The following PCGF5 variants were observed in gnomAD, a reference collection of about 807,000 sequenced individuals.
PCGF5 encodes the protein polycomb group ring finger 5, also known as polycomb group RING finger protein 5.
In PCGF5, 9 loss-of-function variants were observed where a neutral mutation model predicts 44.3. That is an observed-to-expected ratio of 0.20 (90% CI 0.12 to 0.35). PCGF5 has a LOEUF of 0.35. Among genes scored for constraint, PCGF5 ranks in the 10% least tolerant of loss-of-function variants. The pLI, the probability that PCGF5 is intolerant of heterozygous loss-of-function variation, is 1.00. For synonymous variants in PCGF5, 95 were observed against 102.5 expected (o/e 0.93, Z 0.44); for missense variants, 146 against 305.3 (o/e 0.48, Z 3.89).
intron 1 of PCGF5, among the ~76,000 whole-genome samples, chr10:91,173,578 C>CTTTTTT (rs59254639): frequency 8.6e-6 from 1 of 115,628 alleles, no homozygotes; most frequent in Non-Finnish European, 1.7e-5. Context: ...AGGGAGTTGG[C>CTTTTTT]TTTTTTTTTT....
At chr10:91,180,502 GT>G (rs1360867366) in intron 1 of PCGF5, among the ~76,000 whole-genome samples, 9 of 152,250 alleles carry the variant, frequency 5.9e-5, no homozygotes, top group African/African-American at 2.2e-4. Context: ...CCCATCTTGA[GT>G]TAATTTTTGT....
Position 91,192,214 on chromosome 10 carries a change from G to A in PCGF5, c.-184+29133G>A, listed in dbSNP as rs959006582. On this transcript the variant is annotated intron_variant, in intron 1 of 9. Transcript: ENST00000614189. ...AGTTTTCCACCCCAGAGGCATTTGT[G>A]GAATTTTTTTAAAAAAGCATTTATG... 2.0e-5 allele frequency among the ~76,000 whole-genome samples: 3 copies of A among 152,020 alleles called. No individual in the cohort carries two copies. In the East Asian group the frequency reaches 5.8e-4, roughly 29 times the overall value.
intron 9 of PCGF5, among the ~76,000 whole-genome samples, chr10:91,272,948 A>T (rs552166212): frequency 6.6e-6 from 1 of 152,344 alleles, no homozygotes; most frequent in African/African-American, 2.4e-5. Context: ...GGACAAATGA[A>T]TGTATGTTAA....
intron 1 of PCGF5, among the ~76,000 whole-genome samples, chr10:91,180,675 T>A (rs1001696419): frequency 3.9e-5 from 6 of 152,320 alleles, no homozygotes; most frequent in Non-Finnish European, 7.4e-5. Flanking sequence ...TGTGGTCTTA[T>A]TTCTGGGTTC....
At chr10:91,183,324 G>C (rs1408211590) in intron 1 of PCGF5, among the ~76,000 whole-genome samples, 1 of 151,942 alleles carries the variant, frequency 6.6e-6, no homozygotes, top group Non-Finnish European at 1.5e-5. Context: ...TTGTTGAATT[G>C]AACCCTTTAC....
intron 2 of PCGF5, among the ~76,000 whole-genome samples, chr10:91,235,957 A>T (rs1186303134): frequency 1.3e-5 from 2 of 152,200 alleles, no homozygotes; most frequent in Admixed American, 6.5e-5. Context: ...CCATGCCTGT[A>T]GTCCAAACTA....
At chr10:91,259,983 A>C (rs1338013077) in intron 6 of PCGF5, among the ~76,000 whole-genome samples, 2 of 151,868 alleles carry the variant, frequency 1.3e-5, no homozygotes, top group East Asian at 3.8e-4. Flanking sequence ...ATTAAACTAA[A>C]GAGCTTCTGC....
At chr10:91,248,891 A>C (rs1472099050) in intron 5 of PCGF5, among the ~76,000 whole-genome samples, 167 bp downstream of exon 5, 1 of 152,030 alleles carries the variant, frequency 6.6e-6, no homozygotes. Context: ...ATTTTATATA[A>C]ATGAGTGTAA....
Position 91,265,377 on chromosome 10 carries a change from A to G in PCGF5, c.663+857A>G, listed in dbSNP as rs190430337. On this transcript the variant is annotated intron_variant, in intron 8 of 9. Coordinates refer to ENST00000336126, the MANE Select transcript of PCGF5 (RefSeq NM_032373.5). ...ATAATCTGAGTGCATAAATAAATAA[A>G]TATGAATTAAGATTGGCTATAAGGT... Among the ~76,000 whole-genome samples, 283 of 152,280 alleles carry G rather than the reference A, an allele frequency of 1.9e-3. 1 individual carries two copies. Among genetic ancestry groups the G allele is most frequent in the Middle Eastern group, 0.014 (4 of 294 alleles).
chr10:91,222,808 G>C lies in PCGF5; in HGVS notation c.-64G>C, dbSNP rs1844717359. ...AACGACACACCAGCTCCTGGGATCA[G>C]ACTTTCATCTACTTAGGACCCCTCT... On this transcript the variant is annotated 5_prime_UTR_variant, in exon 2 of 10. Coordinates refer to ENST00000336126, the MANE Select transcript of PCGF5 (RefSeq NM_032373.5). 1.1e-6 allele frequency: 1 copy of C among 936,210 alleles called. No homozygotes were observed. The highest frequency in any genetic ancestry group is 2.0e-5 in the Admixed American group (1 of 51,240). The allele number at this position is 936,210 out of a possible 1,614,324, so 58.0% of individuals were successfully genotyped here. A position where few individuals can be genotyped will look rare whatever the true frequency, so the allele number is the denominator to read the frequency against.
At position 91,281,292 on chromosome 10, in the gene PCGF5, C is replaced by T. The variant is rs1846447235; in HGVS notation, c.*2976C>T. The T allele has an allele frequency of 6.6e-6, 1 of 152,440 alleles. No individual in the cohort carries two copies. The highest frequency in any genetic ancestry group is 2.4e-5 in the African/African-American group (1 of 41,452). The allele number at this position is 152,440 out of a possible 1,614,324, so 9.4% of individuals were successfully genotyped here. A position where few individuals can be genotyped will look rare whatever the true frequency, so the allele number is the denominator to read the frequency against. On this transcript the variant is annotated 3_prime_UTR_variant, in exon 10 of 10. Coordinates refer to ENST00000336126, the MANE Select transcript of PCGF5 (RefSeq NM_032373.5). The stretch of plus-strand genomic sequence containing the variant: ...ATTTCTTTATACATTAAACATCTAT[C>T]CCATAGTAATGTGCCACATTTTATA...
intron 1 of PCGF5, among the ~76,000 whole-genome samples, chr10:91,175,732 C>T (rs1843694176): frequency 6.6e-6 from 1 of 152,158 alleles, no homozygotes; most frequent in African/African-American, 2.4e-5. Context: ...AGGATTGCAA[C>T]CCCTGCCTTT....
intron 1 of PCGF5, among the ~76,000 whole-genome samples, chr10:91,177,316 A>G (rs1589351296): frequency 6.6e-6 from 1 of 152,112 alleles, no homozygotes; most frequent in Non-Finnish European, 1.5e-5. Flanking sequence ...CTCTGCCCCT[A>G]CTGGGGGATG....
rs1394957254 is a variant in PCGF5, at chr10:91,188,231, G to A, written c.-184+25150G>A. On this transcript the variant is annotated intron_variant, in intron 1 of 9. Coordinates refer to the PCGF5 transcript ENST00000614189. ...CAGGACAGTGGGTGCAGCGCACCAT[G>A]CGCGAGCTGAAGCAGGGCTAGGCAT... 2.0e-5 allele frequency among the ~76,000 whole-genome samples: 3 copies of A among 152,226 alleles called. No individual in the cohort carries two copies. The East Asian group carries it at 5.8e-4, about 29-fold the overall frequency.
At chr10:91,166,569 G>T (rs1050396970) in intron 1 of PCGF5, among the ~76,000 whole-genome samples, 3 of 151,976 alleles carry the variant, frequency 2.0e-5, no homozygotes. Flanking sequence ...CTTAAAACTT[G>T]TAAGTGTGCA....
At chr10:91,169,074 A>C (rs11186479) in intron 1 of PCGF5, among the ~76,000 whole-genome samples, 2,288 of 152,210 alleles carry the variant, frequency 0.015, 61 homozygotes, top group African/African-American at 0.053. Context: ...CTCCTCAAGC[A>C]GGAGAGATAG....
At chr10:91,260,419 A>C (rs1263550625) in intron 6 of PCGF5, among the ~76,000 whole-genome samples, 1 of 152,212 alleles carries the variant, frequency 6.6e-6, no homozygotes, top group Non-Finnish European at 1.5e-5. Flanking sequence ...TCAGGGATCT[A>C]GAACTAGAAA....
intron 3 of PCGF5, among the ~76,000 whole-genome samples, chr10:91,244,775 A>T (rs550376438): frequency 6.6e-6 from 1 of 152,276 alleles, no homozygotes; most frequent in East Asian, 1.9e-4. Flanking sequence ...TAAAGAAAAG[A>T]GTTGAACATG....
intron 1 of PCGF5, among the ~76,000 whole-genome samples, chr10:91,195,467 C>CATGTATATAT (rs1844114255): frequency 1.1e-5 from 1 of 93,086 alleles, no homozygotes; most frequent in Non-Finnish European, 2.2e-5. Flanking sequence ...TATATATATG[C>CATGTATATAT]ATGCATATAT....
Sources: allele counts gnomAD v4.1 joint callset (sites outside exome capture counted in the v4.1 genomes callset), GRCh38; gene constraint gnomAD v4.1.1; transcripts MANE v1.5; gene names NCBI Gene and HGNC (gene_info 2026-07-23, HGNC 2026-07-21).